The following GNPDA1 variants were observed in gnomAD, a reference collection of about 807,000 sequenced individuals.
GNPDA1 encodes GNPDA 1.
Under a neutral mutation model 28.5 loss-of-function variants are expected in GNPDA1, and 24 were observed. The ratio of observed to expected loss-of-function variants is 0.84; its 90% CI spans 0.61 to 1.19. GNPDA1 has a LOEUF of 1.19. Among genes scored for constraint, GNPDA1 ranks in the 50% most tolerant of loss-of-function variants. The pLI, the probability that GNPDA1 is intolerant of heterozygous loss-of-function variation, is 0.00. For synonymous variants in GNPDA1, 147 were observed against 139.3 expected (o/e 1.06, Z -0.39); for missense variants, 264 against 367.3 (o/e 0.72, Z 2.30).
Position 142,001,907 on chromosome 5 carries a change from G to T in GNPDA1, c.*122C>A. 1 of 489,668 alleles carries T rather than the reference G, an allele frequency of 2.0e-6. No homozygotes were observed. Among genetic ancestry groups the T allele is most frequent in the Non-Finnish European group, 3.6e-6 (1 of 276,422 alleles). The allele number at this position is 489,668 out of a possible 1,614,324, so 30.3% of individuals were successfully genotyped here. On this transcript the variant is annotated 3_prime_UTR_variant, in exon 7 of 7. Coordinates refer to ENST00000311337, the MANE Select transcript of GNPDA1 (RefSeq NM_005471.5). ...CCAGCCTCATGGCCAAGAACAATAA[G>T]TTCACCCACTTATCTGGAGTAACCA... is the stretch of plus-strand genomic sequence containing the variant.
At position 142,003,278 on chromosome 5, in the gene GNPDA1, C is replaced by G. The variant is rs745359428; in HGVS notation, c.595-16G>C. ...GGATCATCACCTGGGGATCAGAAAACAAGTCTGTGATGGAGGGGAGCATTC... is the reference window on the plus strand; with the variant it reads ...GGATCATCACCTGGGGATCAGAAAAGAAGTCTGTGATGGAGGGGAGCATTC... On this transcript the variant is annotated splice_polypyrimidine_tract_variant and intron_variant, in intron 5 of 6. Coordinates refer to ENST00000311337, the MANE Select transcript of GNPDA1 (RefSeq NM_005471.5). The surrounding 1 kb of genome is among the most constrained non-coding windows in gnomAD (Gnocchi z 4.0). 1.9e-6 allele frequency: 3 copies of G among 1,591,236 alleles called. No individual in the cohort carries two copies. Among genetic ancestry groups the G allele is most frequent in the Middle Eastern group, 1.7e-4 (1 of 5,994 alleles).
chr5:142,003,001 T>A lies in GNPDA1; in HGVS notation c.769+87A>T. ...TTAAGATTACAGTTGTCAATTAAAATGACCAGAGGATGAAAGCTGGATCTA... is the reference window on the plus strand; with the variant it reads ...TTAAGATTACAGTTGTCAATTAAAAAGACCAGAGGATGAAAGCTGGATCTA... On this transcript the variant is annotated intron_variant, in intron 6 of 6. Coordinates refer to ENST00000311337, the MANE Select transcript of GNPDA1 (RefSeq NM_005471.5). This position sits in a 1 kb window ranked among gnomAD's most constrained non-coding sequence, Gnocchi z 4.0. 2.9e-6 allele frequency: 3 copies of A among 1,045,876 alleles called. No individual in the cohort carries two copies. Among genetic ancestry groups the A allele is most frequent in the Non-Finnish European group, 4.2e-6 (3 of 706,316 alleles). The allele number at this position is 1,045,876 out of a possible 1,614,324, so 64.8% of individuals were successfully genotyped here.
chr5:142,002,902 CAGAAA>C, intron 6 of GNPDA1, among the ~76,000 whole-genome samples, 181 bp downstream of exon 6: 5 of 152,206 alleles, frequency 3.3e-5, no homozygotes, highest in African/African-American at 1.2e-4. Flanking sequence ...AACAGATCTC[CAGAAA>C]TGGATCTTTG....
rs1477205685 is a variant in GNPDA1 at position 142,000,838 on chromosome 5, A to C, written c.*1191T>G. ...GGCTAGGCTCTCAAAGGTCTTTCCC[A>C]GAAATGGAGGCAGCAGTAGCTTCAA... On this transcript the variant is annotated 3_prime_UTR_variant, in exon 7 of 7. Coordinates refer to ENST00000311337, the MANE Select transcript of GNPDA1 (RefSeq NM_005471.5). 3 of 152,572 alleles carry C rather than the reference A, an allele frequency of 2.0e-5. No individual in the cohort carries two copies. Among genetic ancestry groups the C allele is most frequent in the African/African-American group, 7.2e-5 (3 of 41,464 alleles). 9.5% of individuals were successfully genotyped at this position (152,572 alleles called of 1,614,324 possible).
chr5:142,012,923 C>A, intron 1 of GNPDA1, 72 bp downstream of exon 1: 1 of 152,108 alleles, frequency 6.6e-6, no homozygotes, highest in Non-Finnish European at 1.5e-5. Flanking sequence ...ACCCCGAGTG[C>A]CGTAGGGCTG....
At chr5:142,008,680 T>C (rs1369860264) in intron 2 of GNPDA1, among the ~76,000 whole-genome samples, 5 of 151,820 alleles carry the variant, frequency 3.3e-5, no homozygotes, top group Non-Finnish European at 5.9e-5. Flanking sequence ...TGGGCCGAGA[T>C]TGCACCACTG....
intron 2 of GNPDA1, 55 bp from the exon 3 acceptor site, chr5:142,007,955 A>G (rs2232195): frequency 0.25 from 246,519 of 971,874 alleles, 36,417 homozygotes; most frequent in African/African-American, 0.5. Context: ...CTGGAAGCCC[A>G]GAGGGTTCAC....
At chr5:142,006,373 C>T in intron 3 of GNPDA1, 47 bp from the exon 4 acceptor site, 1 of 1,435,516 alleles carries the variant, frequency 7.0e-7, no homozygotes, top group Non-Finnish European at 9.7e-7. Context: ...AAGCCAAAGC[C>T]CCTCTCCTAA....
intron 3 of GNPDA1, 98 bp downstream of exon 3, chr5:142,007,701 G>A: frequency 2.7e-6 from 2 of 730,968 alleles, no homozygotes; most frequent in East Asian, 2.5e-5. Context: ...ATCATCAAAT[G>A]TCACTGGCTC....
chr5:142,007,069 G>T (rs1254655338), intron 3 of GNPDA1, among the ~76,000 whole-genome samples: 3 of 152,080 alleles, frequency 2.0e-5, no homozygotes, highest in Non-Finnish European at 2.9e-5. Flanking sequence ...GGTTTCCGTG[G>T]CTGGTGAAGT....
chr5:142,003,285 G>C lies in GNPDA1; in HGVS notation c.595-23C>G, dbSNP rs1441219773. The C allele has an allele frequency of 3.9e-6, 6 of 1,554,074 alleles. No homozygotes were observed. The highest frequency in any genetic ancestry group is 1.7e-5 in the Admixed American group (1 of 58,360). ...CACCTGGGGATCAGAAAACAAGTCT[G>C]TGATGGAGGGGAGCATTCCAGACAC... On this transcript the variant is annotated intron_variant, in intron 5 of 6. Transcript: ENST00000311337. This position sits in a 1 kb window ranked among gnomAD's most constrained non-coding sequence, Gnocchi z 4.0.
At position 142,000,822 on chromosome 5, in the gene GNPDA1, C is replaced by T. The variant is rs1358032885; in HGVS notation, c.*1207G>A. 1.3e-5 allele frequency: 2 copies of T among 152,460 alleles called. No individual in the cohort carries two copies. The highest frequency in any genetic ancestry group is 2.9e-5 in the Non-Finnish European group (2 of 68,126). The allele number at this position is 152,460 out of a possible 1,614,324, so 9.4% of individuals were successfully genotyped here. A position where few individuals can be genotyped will look rare whatever the true frequency, so the allele number is the denominator to read the frequency against. On this transcript the variant is annotated 3_prime_UTR_variant, in exon 7 of 7. Transcript: ENST00000311337. ...ATAGCCCTTAGGCCTGGGCTAGGCT[C>T]TCAAAGGTCTTTCCCAGAAATGGAG...
intron 2 of GNPDA1, among the ~76,000 whole-genome samples, chr5:142,009,112 G>T (rs916970999): frequency 6.6e-6 from 1 of 152,122 alleles, no homozygotes; most frequent in Non-Finnish European, 1.5e-5. Context: ...AAAAGCAAAT[G>T]TGGCAAAATG....
chr5:142,010,856 G>T (rs1161843246), intron 2 of GNPDA1, among the ~76,000 whole-genome samples: 3 of 151,364 alleles, frequency 2.0e-5, no homozygotes, highest in South Asian at 2.1e-4. Flanking sequence ...AATTAAAGAA[G>T]AATAATATTT....
rs1315904523 is a variant in GNPDA1 at position 142,000,983 on chromosome 5, G to C, written c.*1046C>G. 2 of 152,414 alleles carry C rather than the reference G, an allele frequency of 1.3e-5. No homozygotes were observed. The highest frequency in any genetic ancestry group is 2.9e-5 in the Non-Finnish European group (2 of 68,078). The allele number at this position is 152,414 out of a possible 1,614,324, so 9.4% of individuals were successfully genotyped here. On this transcript the variant is annotated 3_prime_UTR_variant, in exon 7 of 7. Transcript: ENST00000311337. ...GGGGAGAAGGGTAAATGGGCAAAAG[G>C]GTTGTATTTCCTGATGCTCTCAGAA...
At chr5:142,012,909 C>T (rs1755999872) in intron 1 of GNPDA1, 86 bp downstream of exon 1, 1 of 151,960 alleles carries the variant, frequency 6.6e-6, no homozygotes, top group African/African-American at 2.4e-5. Flanking sequence ...TCCCCGGGGT[C>T]CCGACCCCGA....
At position 142,009,385 on chromosome 5, in the gene GNPDA1, G is replaced by A. The variant is rs953659154; in HGVS notation, c.125-1485C>T. Among the ~76,000 whole-genome samples, 6 of 152,034 alleles carry A rather than the reference G, an allele frequency of 3.9e-5. No homozygotes were observed. The East Asian group carries it at 9.7e-4, about 24-fold the overall frequency. On this transcript the variant is annotated intron_variant, in intron 2 of 6. Transcript: ENST00000311337. ...AACACTGCACAGCCCCACCCCTGCC[G>A]ACACACTCCCTATCCTTTCCTGCTT...
chr5:142,011,824 C>G, intron 2 of GNPDA1, 88 bp downstream of exon 2: 1 of 1,489,270 alleles, frequency 6.7e-7, no homozygotes, highest in Non-Finnish European at 9.4e-7. Flanking sequence ...CCCGTGAAGT[C>G]CCTTGGCTGA....
At position 142,006,181 on chromosome 5, in the gene GNPDA1, C is replaced by A. The variant is rs1755800095; in HGVS notation, c.372G>T (p.Lys124Asn). 4.3e-6 allele frequency: 7 copies of A among 1,614,038 alleles called. No individual in the cohort carries two copies. Among genetic ancestry groups the A allele is most frequent in the Non-Finnish European group, 5.9e-6 (7 of 1,179,892 alleles). ...LQAECDAFEE[K>N]IKAAGGIELF... ...GCTCGATCCCACCTGCAGCCTTGATCTTCTCTTCAAAGGCATCACATTCTG... is the reference window on the plus strand; with the variant it reads ...GCTCGATCCCACCTGCAGCCTTGATATTCTCTTCAAAGGCATCACATTCTG... Residue 124 changes from lysine to asparagine, a missense_variant, in exon 4 of 7, where the codon AAG becomes AAT. Lys to Asn is a moderately conservative substitution (Grantham distance 94, BLOSUM62 0). Transcript: ENST00000311337.
Sources: gnomAD v4.1 joint callset for allele counts (sites outside exome capture counted in the v4.1 genomes callset) on GRCh38, gnomAD v4.1.1 for gene constraint, Gnocchi (gnomAD v3.1) non-coding constraint, MANE v1.5 for transcripts, NCBI Gene and HGNC (gene_info 2026-07-23, HGNC 2026-07-21) for gene names.